MIPOL1: variants seen among roughly 807,000 people sequenced by gnomAD.
The protein encoded by MIPOL1 is mirror-image polydactyly gene 1 protein.
MIPOL1 carries 57 observed loss-of-function variants against 60.9 expected under a neutral mutation model. The ratio of observed to expected loss-of-function variants is 0.94; its 90% CI spans 0.76 to 1.17. The LOEUF (loss-of-function observed/expected upper bound fraction) is 1.17. Among genes scored for constraint, MIPOL1 ranks in the 50% most tolerant of loss-of-function variants. MIPOL1 has a pLI of 0.00. For missense variants in MIPOL1, 551 were observed against 511.6 expected (o/e 1.08, Z -0.74); for synonymous variants, 179 against 168.8 (o/e 1.06, Z -0.47).
intron 6 of MIPOL1, among the ~76,000 whole-genome samples, chr14:37,271,336 G>A (rs965645771): frequency 6.6e-6 from 1 of 151,858 alleles, no homozygotes; most frequent in African/African-American, 2.4e-5. Flanking sequence ...TATATCATTT[G>A]GAATGCTTTT....
At chr14:37,531,156 A>C (rs1451257933) in intron 12 of MIPOL1, among the ~76,000 whole-genome samples, 1 of 152,178 alleles carries the variant, frequency 6.6e-6, no homozygotes, top group South Asian at 2.1e-4. Flanking sequence ...AAGAAGGCAC[A>C]TGATGAAGGA....
At chr14:37,508,979 AC>A (rs2095304320) in intron 12 of MIPOL1, among the ~76,000 whole-genome samples, 1 of 151,658 alleles carries the variant, frequency 6.6e-6, no homozygotes, top group African/African-American at 2.4e-5. Flanking sequence ...ATTTTTTTCT[AC>A]CTTTATGACT....
chr14:37,353,568 T>C (rs2091569590), intron 9 of MIPOL1, among the ~76,000 whole-genome samples: 1 of 151,940 alleles, frequency 6.6e-6, no homozygotes, highest in South Asian at 2.1e-4. Flanking sequence ...CTATTGATTA[T>C]TGCCACAATT....
intron 12 of MIPOL1, among the ~76,000 whole-genome samples, chr14:37,545,333 G>T (rs554147571): frequency 1.3e-5 from 2 of 152,190 alleles, no homozygotes; most frequent in South Asian, 4.1e-4. Context: ...ATTAAACATT[G>T]CCTTAAAGGA....
At chr14:37,425,850 C>T (rs557068609) in intron 11 of MIPOL1, among the ~76,000 whole-genome samples, 1 of 152,154 alleles carries the variant, frequency 6.6e-6, no homozygotes, top group African/African-American at 2.4e-5. Flanking sequence ...ATTGGAAATT[C>T]GGTGGCCATT....
chr14:37,296,007 C>A (rs1346095517), intron 7 of MIPOL1, among the ~76,000 whole-genome samples: 3 of 152,094 alleles, frequency 2.0e-5, no homozygotes, highest in African/African-American at 7.2e-5. Flanking sequence ...ATACATTCTT[C>A]TCAGCACCAC....
chr14:37,533,047 A>G (rs1309703289), intron 12 of MIPOL1, among the ~76,000 whole-genome samples: 1 of 152,146 alleles, frequency 6.6e-6, no homozygotes, highest in Non-Finnish European at 1.5e-5. Flanking sequence ...TCTATATTCT[A>G]TGTTGTGATA....
At chr14:37,494,367 G>T (rs2095087243) in intron 11 of MIPOL1, among the ~76,000 whole-genome samples, 1 of 152,200 alleles carries the variant, frequency 6.6e-6, no homozygotes, top group East Asian at 1.9e-4. Context: ...TCAAGATTTA[G>T]ATTGAAGACC....
At chr14:37,382,974 A>T (rs556802685) in intron 10 of MIPOL1, among the ~76,000 whole-genome samples, 48 of 151,346 alleles carry the variant, frequency 3.2e-4, no homozygotes, top group African/African-American at 1.1e-3. Context: ...TTTATATTAA[A>T]TTTTTTTTTA....
At chr14:37,317,355 C>T (rs1268295937) in intron 9 of MIPOL1, among the ~76,000 whole-genome samples, 3 of 152,160 alleles carry the variant, frequency 2.0e-5, no homozygotes, top group African/African-American at 7.2e-5. Context: ...GCTGAATGCA[C>T]ATTTAAGAAT....
intron 3 of MIPOL1, among the ~76,000 whole-genome samples, chr14:37,253,899 A>G (rs910134911): frequency 2.0e-5 from 3 of 151,762 alleles, no homozygotes; most frequent in Non-Finnish European, 4.4e-5. Context: ...GAGTATTTTT[A>G]TGTGTCTTTT....
chr14:37,292,499 GTCTTATA>G (rs1594943482), intron 7 of MIPOL1, among the ~76,000 whole-genome samples: 1 of 99,830 alleles, frequency 1.0e-5, no homozygotes, highest in East Asian at 2.8e-4. Context: ...TTGAGAAGGA[GTCTTATA>G]TCTTGCTGTT....
At chr14:37,373,434 A>G (rs554028725) in intron 10 of MIPOL1, among the ~76,000 whole-genome samples, 1 of 151,920 alleles carries the variant, frequency 6.6e-6, no homozygotes, top group South Asian at 2.1e-4. Flanking sequence ...GTTCTGGGGT[A>G]CATGTGCAGA....
intron 10 of MIPOL1, among the ~76,000 whole-genome samples, chr14:37,413,052 A>G (rs2093704893): frequency 6.6e-6 from 1 of 152,090 alleles, no homozygotes; most frequent in African/African-American, 2.4e-5. Context: ...AAGGAATAAA[A>G]GAGAGTTCAA....
chr14:37,510,579 C>G (rs1342257689), intron 12 of MIPOL1, among the ~76,000 whole-genome samples: 1 of 152,098 alleles, frequency 6.6e-6, no homozygotes, highest in African/African-American at 2.4e-5. Flanking sequence ...CTACTGCACT[C>G]TCTTCCAGAT....
intron 3 of MIPOL1, among the ~76,000 whole-genome samples, chr14:37,248,297 C>T (rs1016881482): frequency 1.3e-5 from 2 of 151,806 alleles, no homozygotes; most frequent in South Asian, 2.1e-4. Flanking sequence ...AGGAGATCCT[C>T]AGAGAAAGAG....
intron 1 of MIPOL1, among the ~76,000 whole-genome samples, chr14:37,215,361 T>A (rs1401329655): frequency 1.3e-5 from 2 of 151,996 alleles, no homozygotes; most frequent in Non-Finnish European, 2.9e-5. Context: ...TTTTCTTTTA[T>A]CTCTTTGTCT....
chr14:37,326,734 G>A (rs1468598077), intron 9 of MIPOL1, among the ~76,000 whole-genome samples: 1 of 152,162 alleles, frequency 6.6e-6, no homozygotes, highest in African/African-American at 2.4e-5. Context: ...TCATTGAGGA[G>A]TGATAGGAAT....
At chr14:37,294,257 T>C (rs1253490250) in intron 7 of MIPOL1, among the ~76,000 whole-genome samples, 1 of 152,076 alleles carries the variant, frequency 6.6e-6, no homozygotes, top group East Asian at 1.9e-4. Flanking sequence ...TCCTGACTGT[T>C]AGAAGGAAAA....
Sources: gnomAD v4.1 joint callset for allele counts (sites outside exome capture counted in the v4.1 genomes callset) on GRCh38, gnomAD v4.1.1 for gene constraint, MANE v1.5 for transcripts, NCBI Gene and HGNC (gene_info 2026-07-23, HGNC 2026-07-21) for gene names.